Variants in CFAP61 observed in about 807,000 individuals in gnomAD.
The protein encoded by CFAP61 is cilia and flagella associated protein 61.
Under a neutral mutation model 135.6 loss-of-function variants are expected in CFAP61, and 107 were observed. That is an observed-to-expected ratio of 0.79 (90% CI 0.67 to 0.93). The LOEUF (loss-of-function observed/expected upper bound fraction) is 0.93. Ranked by LOEUF, CFAP61 falls within the 40% of genes least tolerant of loss-of-function variation. The pLI is 0.00. For synonymous variants in CFAP61, 575 were observed against 578.5 expected (o/e 0.99, Z 0.09); for missense variants, 1,507 against 1,556.2 (o/e 0.97, Z 0.53).
rs765156346 is a variant in CFAP61, at chr20:20,098,679, A to T, written c.724A>T (p.Met242Leu). Residue 242 changes from methionine to leucine, a missense_variant, in exon 8 of 27, where the codon ATG (methionine) becomes TTG (leucine). Transcript: ENST00000245957. ...CEVEGTAVGFMSVCSRVNMQL... is the reference protein window; with the variant it reads ...CEVEGTAVGFLSVCSRVNMQL... Reference sequence around the variant, plus strand: ...GGTGGAAGGCACAGCTGTTGGGTTCATGAGTGTGTGCTCAAGAGTGAACAT... The same window carrying T: ...GGTGGAAGGCACAGCTGTTGGGTTCTTGAGTGTGTGCTCAAGAGTGAACAT... 1 of 1,610,982 alleles carries T rather than the reference A, an allele frequency of 6.2e-7. No homozygotes were observed. The highest frequency in any genetic ancestry group is 1.7e-5 in the Admixed American group (1 of 59,602).
At chr20:20,302,447 A>T (rs889195474) in intron 25 of CFAP61, among the ~76,000 whole-genome samples, 6 of 152,182 alleles carry the variant, frequency 3.9e-5, no homozygotes, top group African/African-American at 1.4e-4. Context: ...AGATCACCTA[A>T]AATTGGGAGT....
intron 18 of CFAP61, among the ~76,000 whole-genome samples, chr20:20,231,212 ACTTTTTATTTTTTTAAGTATG>A (rs967781587): frequency 1.3e-5 from 2 of 151,906 alleles, no homozygotes; most frequent in African/African-American, 4.8e-5. Context: ...TGGTGTTCTG[ACTTTTTATTTTTTTAAGTATG>A]CTATTTTATC....
chr20:20,114,250 G>A (rs73605581), intron 8 of CFAP61, among the ~76,000 whole-genome samples: 14,897 of 152,076 alleles, frequency 0.098, 1,508 homozygotes, highest in East Asian at 0.59. Context: ...AGCCTGAGCA[G>A]CAGAGTGAGG....
Position 20,246,043 on chromosome 20 carries a change from T to G in CFAP61, c.2061-74T>G, listed in dbSNP as rs1048397990. ...AGTTGGATGACACGTGATATAAAGT[T>G]AAATTGAATTATGATAAACTTTTGC... On this transcript the variant is annotated intron_variant, in intron 18 of 26. Coordinates refer to ENST00000245957, the MANE Select transcript of CFAP61 (RefSeq NM_015585.4). The G allele has an allele frequency of 2.8e-5, 26 of 923,708 alleles. No individual in the cohort carries two copies. In the South Asian group the frequency reaches 2.9e-4, roughly 10 times the overall value. The allele number at this position is 923,708 out of a possible 1,614,324, so 57.2% of individuals were successfully genotyped here.
At chr20:20,132,522 A>G (rs969272841) in intron 8 of CFAP61, among the ~76,000 whole-genome samples, 20 of 152,110 alleles carry the variant, frequency 1.3e-4, no homozygotes, top group African/African-American at 4.3e-4. Context: ...TGTATAAATC[A>G]GTCATATTTG....
intron 13 of CFAP61, among the ~76,000 whole-genome samples, chr20:20,175,956 A>G (rs2146837823): frequency 6.6e-6 from 1 of 152,288 alleles, no homozygotes; most frequent in South Asian, 2.1e-4. Context: ...CAATCTATCC[A>G]TCTGACAAAG....
intron 25 of CFAP61, among the ~76,000 whole-genome samples, chr20:20,307,319 C>T (rs541895066): frequency 6.6e-6 from 1 of 152,364 alleles, no homozygotes; most frequent in Non-Finnish European, 1.5e-5. Flanking sequence ...TCAGTTTCCT[C>T]ACCCATAAAA....
At chr20:20,243,389 T>A (rs73607406) in intron 18 of CFAP61, among the ~76,000 whole-genome samples, 2 of 151,984 alleles carry the variant, frequency 1.3e-5, no homozygotes, top group East Asian at 1.9e-4. Context: ...ATCTTATGCC[T>A]TCACATTTCA....
intron 6 of CFAP61, among the ~76,000 whole-genome samples, chr20:20,081,782 C>A (rs2046449817): frequency 6.6e-6 from 1 of 150,722 alleles, no homozygotes; most frequent in Admixed American, 6.5e-5. Context: ...GCACATACAG[C>A]CCCTGATGTG....
At chr20:20,302,878 A>C (rs551172123) in intron 25 of CFAP61, among the ~76,000 whole-genome samples, 42 of 152,308 alleles carry the variant, frequency 2.8e-4, no homozygotes, top group African/African-American at 9.9e-4. Flanking sequence ...TTTCGGAAAG[A>C]GTACTTAGTC....
chr20:20,161,841 G>C (rs887484907), intron 10 of CFAP61, among the ~76,000 whole-genome samples: 1 of 152,168 alleles, frequency 6.6e-6, no homozygotes, highest in East Asian at 1.9e-4. Context: ...TCTCCACTTC[G>C]AACAGAGGAA....
At chr20:20,340,138 C>CCTGG (rs2058380869) in intron 25 of CFAP61, among the ~76,000 whole-genome samples, 1 of 152,158 alleles carries the variant, frequency 6.6e-6, no homozygotes, top group African/African-American at 2.4e-5. Context: ...ATCATGGGCA[C>CCTGG]CTGGAGTGCA....
chr20:20,059,967 A>C (rs2044673454), intron 2 of CFAP61, among the ~76,000 whole-genome samples: 1 of 152,196 alleles, frequency 6.6e-6, no homozygotes, highest in Non-Finnish European at 1.5e-5. Context: ...ACATCTGGAA[A>C]ACTCAGTGGA....
chr20:20,196,692 C>A lies in CFAP61; in HGVS notation c.1713C>A (p.Thr571=). ...TCAACCCCATTTTCCGGCACTACAC[C>A]AAGTTCTTTCTGAAGGAGATCCTGC... ...FALNPIFRHY[T]KFFLKEILRL... The change falls in exon 16 of 27, where the codon ACC becomes ACA. Residue 571 remains threonine (T), a synonymous_variant. Transcript: ENST00000245957. 1 of 1,614,136 alleles carries A rather than the reference C, an allele frequency of 6.2e-7. No homozygotes were observed. Among genetic ancestry groups the A allele is most frequent in the Non-Finnish European group, 8.5e-7 (1 of 1,180,026 alleles).
intron 25 of CFAP61, among the ~76,000 whole-genome samples, chr20:20,319,049 T>C (rs2057296505): frequency 6.6e-6 from 1 of 152,202 alleles, no homozygotes; most frequent in African/African-American, 2.4e-5. Context: ...AACCCTTGTC[T>C]CCGCCTCCCA....
At chr20:20,275,484 T>C (rs771338945) in intron 21 of CFAP61, among the ~76,000 whole-genome samples, 2 of 152,184 alleles carry the variant, frequency 1.3e-5, no homozygotes, top group East Asian at 1.9e-4. Context: ...AATTGAAAAG[T>C]ATCGTCCTCT....
intron 2 of CFAP61, among the ~76,000 whole-genome samples, chr20:20,064,684 G>A (rs139942407): frequency 6.6e-6 from 1 of 152,284 alleles, no homozygotes; most frequent in East Asian, 1.9e-4. Context: ...GCTGTTGACT[G>A]CAATTAACTA....
chr20:20,156,372 T>G (rs1232280587), intron 9 of CFAP61, among the ~76,000 whole-genome samples: 1 of 152,182 alleles, frequency 6.6e-6, no homozygotes, highest in Non-Finnish European at 1.5e-5. Context: ...ATAAAGACTC[T>G]TAGCACTTTT....
rs2054077297 is a variant in CFAP61 at position 20,169,596 on chromosome 20, A to G, written c.1385+136A>G. 3 of 719,156 alleles carry G rather than the reference A, an allele frequency of 4.2e-6. No homozygotes were observed. The African/African-American group carries it at 5.4e-5, about 13-fold the overall frequency. 44.5% of individuals were successfully genotyped at this position (719,156 alleles called of 1,614,324 possible). ...TATTAGAAGAGGTCTTGAGTAAGTG[A>G]TTTTAACTAATACATTTAGAGAAAG... is the stretch of plus-strand genomic sequence containing the variant. On this transcript the variant is annotated intron_variant, in intron 13 of 26. Coordinates refer to ENST00000245957, the MANE Select transcript of CFAP61 (RefSeq NM_015585.4).
Sources: gnomAD v4.1 joint callset for allele counts (sites outside exome capture counted in the v4.1 genomes callset) on GRCh38, gnomAD v4.1.1 for gene constraint, MANE v1.5 for transcripts, NCBI Gene and HGNC (gene_info 2026-07-23, HGNC 2026-07-21) for gene names.